The following RGL2 variants were observed in gnomAD, a reference collection of about 807,000 sequenced individuals.
The protein encoded by RGL2 is ral guanine nucleotide dissociation stimulator like 2.
Under a neutral mutation model 84.6 loss-of-function variants are expected in RGL2, and 40 were observed. The observed-to-expected ratio is 0.47, with a 90% CI of 0.37 to 0.62. The LOEUF is 0.62. Among genes scored for constraint, RGL2 ranks in the 20% least tolerant of loss-of-function variants. The pLI is 0.00. For missense variants in RGL2, 865 were observed against 1,019.7 expected (o/e 0.85, Z 2.07); for synonymous variants, 369 against 417.3 (o/e 0.88, Z 1.41).
In RGL2 at chr6:33,293,815, C is replaced by T; in HGVS notation, c.1488G>A (p.Arg496=). The T allele has an allele frequency of 1.2e-6, 2 of 1,614,156 alleles. No homozygotes were observed. Among genetic ancestry groups the T allele is most frequent in the Non-Finnish European group, 1.7e-6 (2 of 1,180,042 alleles). The part of the protein sequence containing the change: ...HDIQRWLQGL[R]PLTEAQSHRV... Reference sequence around the variant, plus strand: ...GTCACCTCTGAGCCTCTGTCAGTGGCCGGAGCCCCTGTAGCCACCTCTGGA... The same window carrying T: ...GTCACCTCTGAGCCTCTGTCAGTGGTCGGAGCCCCTGTAGCCACCTCTGGA... The change falls in exon 13 of 18, where the codon CGG becomes CGA. Residue 496 remains arginine (R), a synonymous_variant. Transcript: ENST00000497454. The surrounding 1 kb of genome is among the most constrained non-coding windows in gnomAD (Gnocchi z 7.0).
In RGL2 at chr6:33,292,226, G is replaced by A. The variant is rs751853024; in HGVS notation, c.2210C>T (p.Ser737Phe). 2 of 1,614,206 alleles carry A rather than the reference G, an allele frequency of 1.2e-6. No homozygotes were observed. Among genetic ancestry groups the A allele is most frequent in the Non-Finnish European group, 1.7e-6 (2 of 1,180,040 alleles). Reference protein sequence around the residue: ...DFLLRQRRRSSTATPGVTSGP... With the variant: ...DFLLRQRRRSFTATPGVTSGP... ...ACTGGTGACGCCAGGTGTAGCAGTA[G>A]AGGACCTTCGCCGCTGCCGCAGGAG... The change falls in exon 18 of 18, where the codon TCT becomes TTT. Residue 737 changes from serine (S) to phenylalanine (F), a missense_variant. Ser to Phe is a radical substitution (Grantham distance 155). Coordinates refer to ENST00000497454, the MANE Select transcript of RGL2 (RefSeq NM_004761.5).
Position 33,295,836 on chromosome 6 carries a change from C to G in RGL2, c.769-77G>C. ...TCCAATATCAGGGATCTGAGGATCT[C>G]AGGTGGCCAAGGAACCAGAGGGGCA... On this transcript the variant is annotated intron_variant, in intron 6 of 17. Transcript: ENST00000497454. This position sits in a 1 kb window ranked among gnomAD's most constrained non-coding sequence, Gnocchi z 7.2. The G allele has an allele frequency of 6.5e-7, 1 of 1,541,258 alleles. No individual in the cohort carries two copies. The highest frequency in any genetic ancestry group is 8.8e-7 in the Non-Finnish European group (1 of 1,130,524).
rs1767978837 is a variant in RGL2, at chr6:33,296,545, T to A, written c.419+53A>T. ...GACTATTTTGGTGGGATGTTGCGGCTTTAGGAAATCCGGGCAGATACTCCA... is the reference window on the plus strand; with the variant it reads ...GACTATTTTGGTGGGATGTTGCGGCATTAGGAAATCCGGGCAGATACTCCA... On this transcript the variant is annotated intron_variant, in intron 4 of 17. Coordinates refer to ENST00000497454, the MANE Select transcript of RGL2 (RefSeq NM_004761.5). This position sits in a 1 kb window ranked among gnomAD's most constrained non-coding sequence, Gnocchi z 5.0. The A allele has an allele frequency of 6.3e-7, 1 of 1,586,876 alleles. No individual in the cohort carries two copies. The highest frequency in any genetic ancestry group is 1.7e-5 in the Admixed American group (1 of 57,292).
At chr6:33,299,517 C>G (rs143351413), upstream of RGL2, among the ~76,000 whole-genome samples, 5 of 152,240 alleles carry the variant, frequency 3.3e-5, no homozygotes, top group East Asian at 5.8e-4. The surrounding 1 kb of genome is among the most constrained non-coding windows in gnomAD (Gnocchi z 5.0). Flanking sequence ...CCCGTCGGCT[C>G]GGTGTATCCT....
Position 33,294,091 on chromosome 6 carries a change from G to C in RGL2, c.1354-25C>G. 6.2e-7 allele frequency: 1 copy of C among 1,606,136 alleles called. No homozygotes were observed. Among genetic ancestry groups the C allele is most frequent in the Non-Finnish European group, 8.5e-7 (1 of 1,174,772 alleles). On this transcript the variant is annotated intron_variant, in intron 11 of 17. Coordinates refer to ENST00000497454, the MANE Select transcript of RGL2 (RefSeq NM_004761.5). This position sits in a 1 kb window ranked among gnomAD's most constrained non-coding sequence, Gnocchi z 5.0. ...TCTGCGAGGAAAATGGGGATGGGGT[G>C]AAAGTTCCAACCCTACCTTCCGGCC...
chr6:33,294,285 A>G lies in RGL2; in HGVS notation c.1354-219T>C, dbSNP rs1767720836. 6.6e-6 allele frequency among the ~76,000 whole-genome samples: 1 copy of G among 152,014 alleles called. No individual in the cohort carries two copies. The highest frequency in any genetic ancestry group is 1.5e-5 in the Non-Finnish European group (1 of 68,008). On this transcript the variant is annotated intron_variant, in intron 11 of 17. Coordinates refer to ENST00000497454, the MANE Select transcript of RGL2 (RefSeq NM_004761.5). The surrounding 1 kb of genome is among the most constrained non-coding windows in gnomAD (Gnocchi z 5.0). ...AATTGAATTTCTCAGGTAGACAACG[A>G]GTCTGCTTTGCAGATGAGAGGACTG...
chr6:33,299,729 G>C (rs1412668331), upstream of RGL2: 1 of 152,206 alleles, frequency 6.6e-6, no homozygotes, highest in African/African-American at 2.4e-5. This position sits in a 1 kb window ranked among gnomAD's most constrained non-coding sequence, Gnocchi z 5.0. Flanking sequence ...ATTCCTACAC[G>C]ATTAGACCCG....
rs1330147961 is a variant in RGL2 at position 33,293,144 on chromosome 6, C to T, written c.1879G>A (p.Gly627Ser). 2 of 1,611,534 alleles carry T rather than the reference C, an allele frequency of 1.2e-6. No homozygotes were observed. Among genetic ancestry groups the T allele is most frequent in the Non-Finnish European group, 1.7e-6 (2 of 1,178,772 alleles). Residue 627 changes from glycine (G) to serine (S), a missense_variant, in exon 16 of 18, where the codon GGT becomes AGT. Transcript: ENST00000497454. This position sits in a 1 kb window ranked among gnomAD's most constrained non-coding sequence, Gnocchi z 7.0. ...SASCGSPLSG[G>S]AEEASGGTGY... ...GTCCCCCCGGAGGCCTCTTCTGCAC[C>T]CCCACTCAGCGGGGAGCCACAGGAG...
Position 33,293,980 on chromosome 6 carries a change from C to G in RGL2, c.1386+54G>C. The G allele has an allele frequency of 6.2e-7, 1 of 1,614,110 alleles. No homozygotes were observed. The highest frequency in any genetic ancestry group is 8.5e-7 in the Non-Finnish European group (1 of 1,180,024). On this transcript the variant is annotated intron_variant, in intron 12 of 17. Coordinates refer to ENST00000497454, the MANE Select transcript of RGL2 (RefSeq NM_004761.5). This position sits in a 1 kb window ranked among gnomAD's most constrained non-coding sequence, Gnocchi z 7.0. ...GGGACCCCTGACTTTTCCCCCTCCC[C>G]TTCCTGGAACATGGATAGGGAAGTC...
In RGL2 at chr6:33,293,243, T is replaced by C. The variant is rs1767608321; in HGVS notation, c.1780A>G (p.Ser594Gly). 6.5e-7 allele frequency: 1 copy of C among 1,544,912 alleles called. No homozygotes were observed. The highest frequency in any genetic ancestry group is 1.3e-5 in the South Asian group (1 of 79,000). The part of the protein sequence containing the change: ...SALESSPSLH[S>G]PADPSHLSPP... ...GAGAGGTGGCTGGGGTCAGCTGGACTGTGCAGGGATGGACTGCTTTCCAAG... is the reference window on the plus strand; with the variant it reads ...GAGAGGTGGCTGGGGTCAGCTGGACCGTGCAGGGATGGACTGCTTTCCAAG... Residue 594 changes from serine (S) to glycine (G), a missense_variant, in exon 16 of 18, where the codon AGT (serine) becomes GGT (glycine). Physicochemically the swap from Ser to Gly is moderately conservative, Grantham distance 56. Coordinates refer to ENST00000497454, the MANE Select transcript of RGL2 (RefSeq NM_004761.5). This position sits in a 1 kb window ranked among gnomAD's most constrained non-coding sequence, Gnocchi z 7.0.
rs1767687662 is a variant in RGL2 at position 33,293,972 on chromosome 6, C to T, written c.1387-56G>A. On this transcript the variant is annotated intron_variant, in intron 12 of 17. Transcript: ENST00000497454. This position sits in a 1 kb window ranked among gnomAD's most constrained non-coding sequence, Gnocchi z 7.0. ...AAAACTCAGGGACCCCTGACTTTTC[C>T]CCCTCCCCTTCCTGGAACATGGATA... 6.2e-7 allele frequency: 1 copy of T among 1,614,052 alleles called. No individual in the cohort carries two copies. Among genetic ancestry groups the T allele is most frequent in the East Asian group, 2.2e-5 (1 of 44,864 alleles).
chr6:33,296,981 G>A lies in RGL2; in HGVS notation c.240+51C>T. 2 of 1,587,302 alleles carry A rather than the reference G, an allele frequency of 1.3e-6. No homozygotes were observed. Among genetic ancestry groups the A allele is most frequent in the East Asian group, 2.2e-5 (1 of 44,750 alleles). On this transcript the variant is annotated intron_variant, in intron 3 of 17. Transcript: ENST00000497454. The surrounding 1 kb of genome is among the most constrained non-coding windows in gnomAD (Gnocchi z 5.0). ...TGGCCAGAAAGTCAGCCAGAGGAAG[G>A]AAAACTGGGAATGAAGAGTCAGAGG... is the stretch of plus-strand genomic sequence containing the variant.
chr6:33,293,834 C>G lies in RGL2; in HGVS notation c.1469G>C (p.Arg490Thr). The change falls in exon 13 of 18, where the codon AGG (arginine) becomes ACG (threonine). Residue 490 changes from arginine to threonine, a missense_variant. Coordinates refer to ENST00000497454, the MANE Select transcript of RGL2 (RefSeq NM_004761.5). The surrounding 1 kb of genome is among the most constrained non-coding windows in gnomAD (Gnocchi z 7.0). ...CAGTGGCCGGAGCCCCTGTAGCCACCTCTGGATATCATGGTCAGGTTGGAG... is the reference window on the plus strand; with the variant it reads ...CAGTGGCCGGAGCCCCTGTAGCCACGTCTGGATATCATGGTCAGGTTGGAG... ...YNLQPDHDIQRWLQGLRPLTE... is the reference protein window; with the variant it reads ...YNLQPDHDIQTWLQGLRPLTE... 6.2e-7 allele frequency: 1 copy of G among 1,614,178 alleles called. No homozygotes were observed.
chr6:33,294,563 G>C lies in RGL2; in HGVS notation c.1353+125C>G. ...ACTGAGGCGACTTGGCACAGAAACA[G>C]ATCTGGCTCTGTCCCACACTCAGCT... On this transcript the variant is annotated intron_variant, in intron 11 of 17. Transcript: ENST00000497454. This position sits in a 1 kb window ranked among gnomAD's most constrained non-coding sequence, Gnocchi z 5.0. 4 of 978,340 alleles carry C rather than the reference G, an allele frequency of 4.1e-6. No homozygotes were observed. The highest frequency in any genetic ancestry group is 6.2e-6 in the Non-Finnish European group (4 of 649,720). 60.6% of individuals were successfully genotyped at this position (978,340 alleles called of 1,614,324 possible).
chr6:33,292,227 A>C lies in RGL2; in HGVS notation c.2209T>G (p.Ser737Ala), dbSNP rs1196234186. Reference protein sequence around the residue: ...DFLLRQRRRSSTATPGVTSGP... With the variant: ...DFLLRQRRRSATATPGVTSGP... ...CTGGTGACGCCAGGTGTAGCAGTAGAGGACCTTCGCCGCTGCCGCAGGAGG... is the reference window on the plus strand; with the variant it reads ...CTGGTGACGCCAGGTGTAGCAGTAGCGGACCTTCGCCGCTGCCGCAGGAGG... The change falls in exon 18 of 18, where the codon TCT becomes GCT. Residue 737 changes from serine to alanine, a missense_variant. Physicochemically the swap from Ser to Ala is moderately conservative, Grantham distance 99 (BLOSUM62 1). Coordinates refer to ENST00000497454, the MANE Select transcript of RGL2 (RefSeq NM_004761.5). 3 of 1,614,062 alleles carry C rather than the reference A, an allele frequency of 1.9e-6. No homozygotes were observed. The highest frequency in any genetic ancestry group is 2.5e-6 in the Non-Finnish European group (3 of 1,180,016).
rs1227985960 is a variant in RGL2, at chr6:33,295,048, G to C, written c.1210-3C>G. The stretch of plus-strand genomic sequence containing the variant: ...AGAGGAGACTGCAGCTTCACCTCCT[G>C]GTGGTGACAAAATAAAAGAGACATG... On this transcript the variant is annotated splice_region_variant and splice_polypyrimidine_tract_variant and intron_variant, in intron 9 of 17. Coordinates refer to ENST00000497454, the MANE Select transcript of RGL2 (RefSeq NM_004761.5). The surrounding 1 kb of genome is among the most constrained non-coding windows in gnomAD (Gnocchi z 7.2). 3.8e-6 allele frequency: 6 copies of C among 1,580,162 alleles called. No individual in the cohort carries two copies. In the Admixed American group the frequency reaches 5.4e-5, roughly 14 times the overall value.
Position 33,295,259 on chromosome 6 carries a change from C to T in RGL2, c.1125-48G>A. On this transcript the variant is annotated intron_variant, in intron 8 of 17. Coordinates refer to ENST00000497454, the MANE Select transcript of RGL2 (RefSeq NM_004761.5). The surrounding 1 kb of genome is among the most constrained non-coding windows in gnomAD (Gnocchi z 7.2). ...CCTGAGGACAGGCCTGGCTCTGTCA[C>T]CCCCTCTTCCCCGCCTTCTGAGGAA... The T allele has an allele frequency of 6.4e-7, 1 of 1,565,302 alleles. No individual in the cohort carries two copies. The highest frequency in any genetic ancestry group is 2.4e-5 in the East Asian group (1 of 42,456).
rs759926915 is a variant in RGL2 at position 33,295,660 on chromosome 6, T to C, written c.868A>G (p.Thr290Ala). The C allele has an allele frequency of 3.7e-6, 6 of 1,613,788 alleles. No homozygotes were observed. Among genetic ancestry groups the C allele is most frequent in the Non-Finnish European group, 5.1e-6 (6 of 1,180,048 alleles). Residue 290 changes from threonine to alanine, a missense_variant, in exon 7 of 18, where the codon ACT (threonine) becomes GCT (alanine). Physicochemically the swap from Thr to Ala is moderately conservative, Grantham distance 58. Transcript: ENST00000497454. This position sits in a 1 kb window ranked among gnomAD's most constrained non-coding sequence, Gnocchi z 7.2. Reference sequence around the variant, plus strand: ...GCCACCTTGTTAAACTGTGTGACAGTAGCTCGGACAGATGGGCAGAGGTGA... The same window carrying C: ...GCCACCTTGTTAAACTGTGTGACAGCAGCTCGGACAGATGGGCAGAGGTGA... ...HSHLCPSVRA[T>A]VTQFNKVAGA...
Position 33,291,918 on chromosome 6 carries a change from A to T in RGL2, c.*184T>A. The T allele has an allele frequency of 1.5e-6, 1 of 647,724 alleles. No individual in the cohort carries two copies. The highest frequency in any genetic ancestry group is 2.7e-6 in the Non-Finnish European group (1 of 372,362). The allele number at this position is 647,724 out of a possible 1,614,324, so 40.1% of individuals were successfully genotyped here. A position where few individuals can be genotyped will look rare whatever the true frequency, so the allele number is the denominator to read the frequency against. ...CACAGGTATCCAACTTGGTTATAAG[A>T]CACCAGTTCCCACAGGGCTGGATTT... is the stretch of plus-strand genomic sequence containing the variant. On this transcript the variant is annotated 3_prime_UTR_variant, in exon 18 of 18. Coordinates refer to ENST00000497454, the MANE Select transcript of RGL2 (RefSeq NM_004761.5).
Sources: allele counts gnomAD v4.1 joint callset (sites outside exome capture counted in the v4.1 genomes callset), GRCh38; gene constraint gnomAD v4.1.1; non-coding constraint Gnocchi (gnomAD v3.1); transcripts MANE v1.5; gene names NCBI Gene and HGNC (gene_info 2026-07-23, HGNC 2026-07-21).